CTIF: variants seen among roughly 807,000 people sequenced by gnomAD.
CTIF encodes CBP80/20-dependent translation initiation factor.
Under a neutral mutation model 66.0 loss-of-function variants are expected in CTIF, and 21 were observed. The ratio of observed to expected loss-of-function variants is 0.32; its 90% CI spans 0.23 to 0.46. The LOEUF (loss-of-function observed/expected upper bound fraction) is 0.46, where lower values mean the gene tolerates loss of function less well. Ranked by LOEUF, CTIF falls within the 20% of genes least tolerant of loss-of-function variation. CTIF has a pLI of 1.00. For synonymous variants in CTIF, 345 were observed against 326.4 expected (o/e 1.06, Z -0.62); for missense variants, 739 against 812.7 (o/e 0.91, Z 1.10).
chr18:48,623,924 A>T (rs929245592), intron 2 of CTIF, among the ~76,000 whole-genome samples: 4 of 151,708 alleles, frequency 2.6e-5, no homozygotes, highest in African/African-American at 9.8e-5. Context: ...TAATACATAG[A>T]TAATAGATAG....
At position 48,768,300 on chromosome 18, in the gene CTIF, G is replaced by C. The variant is rs558019755; in HGVS notation, c.1371+6611G>C. On this transcript the variant is annotated intron_variant, in intron 9 of 11. Transcript: ENST00000256413. ...TGGCCAGAATCCTGGCTGAGTTATC[G>C]GCTGTCCCCAGCTCCTGGCTTCATG... Among the ~76,000 whole-genome samples the C allele has an allele frequency of 1.2e-4, 19 of 152,222 alleles. No homozygotes were observed. In the South Asian group the frequency reaches 2.9e-3, roughly 23 times the overall value.
intron 10 of CTIF, among the ~76,000 whole-genome samples, chr18:48,829,120 G>A (rs1231056152): frequency 4.6e-5 from 7 of 152,200 alleles, no homozygotes; most frequent in East Asian, 1.9e-4. Flanking sequence ...TTTAATGGAC[G>A]GGACTGGGGA....
chr18:48,799,049 G>A (rs556851108), intron 9 of CTIF, among the ~76,000 whole-genome samples: 1 of 152,314 alleles, frequency 6.6e-6, no homozygotes, highest in East Asian at 1.9e-4. Flanking sequence ...GGTCAGCAGG[G>A]CTATGAGTGG....
At chr18:48,657,833 G>T (rs2091270084) in intron 3 of CTIF, among the ~76,000 whole-genome samples, 1 of 152,196 alleles carries the variant, frequency 6.6e-6, no homozygotes, top group Non-Finnish European at 1.5e-5. Context: ...ACATGCTGCT[G>T]CTTCGTGTGC....
intron 2 of CTIF, chr18:48,621,729 C>T (rs930926934): frequency 1.1e-5 from 3 of 261,362 alleles, no homozygotes; most frequent in African/African-American, 4.7e-5. Context: ...CTGCCTGTGG[C>T]CAGCTCAAGG....
chr18:48,841,190 C>T (rs1159563567), intron 10 of CTIF, among the ~76,000 whole-genome samples: 1 of 152,186 alleles, frequency 6.6e-6, no homozygotes, highest in Non-Finnish European at 1.5e-5. Flanking sequence ...TTCTAAGAAG[C>T]TTCTTCCCAG....
At chr18:48,690,810 G>A (rs1277536209) in intron 6 of CTIF, among the ~76,000 whole-genome samples, 1 of 151,882 alleles carries the variant, frequency 6.6e-6, no homozygotes, top group African/African-American at 2.4e-5. Context: ...ATCTAGGATG[G>A]AGATAATAAA....
intron 10 of CTIF, among the ~76,000 whole-genome samples, chr18:48,827,091 T>A (rs1448520769): frequency 6.6e-6 from 1 of 152,098 alleles, no homozygotes; most frequent in Non-Finnish European, 1.5e-5. Flanking sequence ...GAGGGCCCGA[T>A]GAGCGAGCCG....
intron 6 of CTIF, among the ~76,000 whole-genome samples, chr18:48,707,515 CTCT>C (rs999168149): frequency 2.4e-4 from 37 of 151,888 alleles, no homozygotes; most frequent in Non-Finnish European, 4.4e-4. Context: ...GATTGATCTT[CTCT>C]TCTTCTCCTC....
Position 48,564,718 on chromosome 18 carries a change from A to T in CTIF, c.-29+25406A>T, listed in dbSNP as rs190712927. Reference sequence around the variant, plus strand: ...ACTGCAGCCTCGACTTCCTGGGGTCAAGTAATACTTCCACCTCAGCCTCCC... The same window carrying T: ...ACTGCAGCCTCGACTTCCTGGGGTCTAGTAATACTTCCACCTCAGCCTCCC... On this transcript the variant is annotated intron_variant, in intron 1 of 11. Coordinates refer to ENST00000256413, the MANE Select transcript of CTIF (RefSeq NM_014772.3). The T allele has an allele frequency of 3.9e-5, 6 of 152,330 alleles. No individual in the cohort carries two copies. In the East Asian group the frequency reaches 1.2e-3, roughly 29 times the overall value. The allele number at this position is 152,330 out of a possible 1,614,324, so 9.4% of individuals were successfully genotyped here. A position where few individuals can be genotyped will look rare whatever the true frequency, so the allele number is the denominator to read the frequency against.
chr18:48,768,288 G>T (rs923315427), intron 9 of CTIF, among the ~76,000 whole-genome samples: 13 of 152,110 alleles, frequency 8.5e-5, no homozygotes, highest in Non-Finnish European at 2.9e-5. Context: ...CCAGAATCCT[G>T]GCTGAGTTAT....
At chr18:48,859,311 G>A (rs367807749) in intron 11 of CTIF, 33 bp from the exon 12 acceptor site, 155 of 1,602,434 alleles carry the variant, frequency 9.7e-5, no homozygotes, top group Non-Finnish European at 1.3e-4. Flanking sequence ...TGTGGGACCC[G>A]AGGCCATCCT....
chr18:48,566,036 G>T (rs910538485), intron 1 of CTIF: 1 of 152,126 alleles, frequency 6.6e-6, no homozygotes, highest in Non-Finnish European at 1.5e-5. Context: ...CTTCACTCAG[G>T]GATGCTGGCA....
intron 7 of CTIF, among the ~76,000 whole-genome samples, chr18:48,754,112 G>C (rs1908106433): frequency 6.6e-6 from 1 of 152,184 alleles, no homozygotes; most frequent in Admixed American, 6.5e-5. Flanking sequence ...AGCCCTCTTG[G>C]CTCCTTCTCA....
chr18:48,562,994 C>T (rs576428787), intron 1 of CTIF, among the ~76,000 whole-genome samples: 35 of 152,352 alleles, frequency 2.3e-4, no homozygotes, highest in South Asian at 1.2e-3. Flanking sequence ...AGGAGATTCA[C>T]GCTGAATGTC....
At chr18:48,688,355 G>C (rs968925931) in intron 6 of CTIF, 2 of 152,288 alleles carry the variant, frequency 1.3e-5, no homozygotes, top group African/African-American at 4.8e-5. Flanking sequence ...GTATACTTGC[G>C]ATGGGGCTGG....
intron 10 of CTIF, among the ~76,000 whole-genome samples, chr18:48,845,636 C>T (rs371713536): frequency 1.3e-5 from 2 of 152,168 alleles, no homozygotes; most frequent in South Asian, 4.1e-4. Flanking sequence ...TTGACTAATC[C>T]CTGGGTGCTG....
At chr18:48,827,112 C>T (rs971894961) in intron 10 of CTIF, among the ~76,000 whole-genome samples, 22 of 152,106 alleles carry the variant, frequency 1.4e-4, no homozygotes, top group African/African-American at 4.6e-4. Flanking sequence ...TGGCCAGCTC[C>T]GGCTCTCACC....
intron 10 of CTIF, among the ~76,000 whole-genome samples, chr18:48,823,861 G>A (rs1307961265): frequency 6.6e-6 from 1 of 152,028 alleles, no homozygotes; most frequent in Non-Finnish European, 1.5e-5. Flanking sequence ...GGAAATCCTA[G>A]CCAGAACAAT....
Sources: gnomAD v4.1 joint callset for allele counts (sites outside exome capture counted in the v4.1 genomes callset) on GRCh38, gnomAD v4.1.1 for gene constraint, MANE v1.5 for transcripts, NCBI Gene and HGNC (gene_info 2026-07-23, HGNC 2026-07-21) for gene names.